The following CTNND2 variants were observed in gnomAD, a reference collection of about 807,000 sequenced individuals.
CTNND2 encodes the protein catenin delta-2.
In CTNND2, 22 loss-of-function variants were observed where a neutral mutation model predicts 144.4. The ratio of observed to expected loss-of-function variants is 0.15; its 90% CI spans 0.11 to 0.22. CTNND2 has a LOEUF of 0.22. Among genes scored for constraint, CTNND2 ranks in the 10% least tolerant of loss-of-function variants. The probability of loss-of-function intolerance (pLI) is 1.00; values close to 1 mark genes in which losing one functional copy is unlikely to be tolerated. For missense variants in CTNND2, 1,353 were observed against 1,618.8 expected (o/e 0.84, Z 2.82); for synonymous variants, 751 against 695.6 (o/e 1.08, Z -1.25).
At chr5:11,504,612 G>A (rs1770842421) in intron 3 of CTNND2, among the ~76,000 whole-genome samples, 1 of 152,156 alleles carries the variant, frequency 6.6e-6, no homozygotes, top group Admixed American at 6.5e-5. Context: ...GCCAGCGATT[G>A]GGCATGGAAA....
chr5:11,291,721 C>T (rs1425392891), intron 9 of CTNND2, among the ~76,000 whole-genome samples: 5 of 152,152 alleles, frequency 3.3e-5, no homozygotes, highest in Non-Finnish European at 7.4e-5. Context: ...TATGACTTAG[C>T]TCCCCAAATC....
intron 3 of CTNND2, among the ~76,000 whole-genome samples, chr5:11,438,397 G>C (rs1473423423): frequency 6.6e-6 from 1 of 152,190 alleles, no homozygotes; most frequent in Non-Finnish European, 1.5e-5. Flanking sequence ...GGGTGAAAAG[G>C]ATGGGCTGTC....
At chr5:11,777,693 T>C (rs1458106122) in intron 1 of CTNND2, among the ~76,000 whole-genome samples, 1 of 152,186 alleles carries the variant, frequency 6.6e-6, no homozygotes, top group Non-Finnish European at 1.5e-5. Flanking sequence ...AACAAGCATC[T>C]CCCTACAGCA....
At chr5:11,090,682 A>T (rs183176077) in intron 15 of CTNND2, among the ~76,000 whole-genome samples, 61 of 152,318 alleles carry the variant, frequency 4.0e-4, no homozygotes, top group African/African-American at 1.4e-3. Flanking sequence ...GTCTTCCACG[A>T]AACTGGTTCC....
At chr5:11,900,686 C>A (rs888119198) in intron 1 of CTNND2, among the ~76,000 whole-genome samples, 5 of 152,196 alleles carry the variant, frequency 3.3e-5, no homozygotes, top group Non-Finnish European at 7.3e-5. Context: ...CAGGAGAACA[C>A]CTTCAGAAGA....
At chr5:11,677,333 T>C (rs141355300) in intron 2 of CTNND2, among the ~76,000 whole-genome samples, 1 of 152,324 alleles carries the variant, frequency 6.6e-6, no homozygotes, top group Non-Finnish European at 1.5e-5. Context: ...CTCCTGTGCT[T>C]TTCTGGTCTA....
At chr5:11,886,692 G>A (rs1196041579) in intron 1 of CTNND2, among the ~76,000 whole-genome samples, 1 of 152,108 alleles carries the variant, frequency 6.6e-6, no homozygotes, top group African/African-American at 2.4e-5. Flanking sequence ...AATTACACGG[G>A]TTGTGTAAAA....
intron 9 of CTNND2, among the ~76,000 whole-genome samples, chr5:11,303,143 A>C (rs1175431435): frequency 6.6e-6 from 1 of 152,204 alleles, no homozygotes; most frequent in African/African-American, 2.4e-5. Context: ...TCTTCCACTC[A>C]ACACTTAGTC....
At chr5:11,175,499 A>T (rs751533103) in intron 11 of CTNND2, among the ~76,000 whole-genome samples, 22 of 152,170 alleles carry the variant, frequency 1.4e-4, no homozygotes, top group Non-Finnish European at 2.8e-4. Context: ...TGCATTCAAC[A>T]CATGTTACGG....
At chr5:11,115,969 C>A (rs1428712933) in intron 13 of CTNND2, among the ~76,000 whole-genome samples, 1 of 152,162 alleles carries the variant, frequency 6.6e-6, no homozygotes, top group East Asian at 1.9e-4. Context: ...CTTTATCTAA[C>A]TTTGTAACTA....
chr5:11,303,066 A>T (rs27522), intron 9 of CTNND2, among the ~76,000 whole-genome samples: 133,162 of 152,192 alleles, frequency 0.87, 58,610 homozygotes, highest in Middle Eastern at 0.98. Context: ...TAATGTTCCA[A>T]GTATGTCTTT....
rs533957726 is a variant in CTNND2, at chr5:11,571,043, G to A, written c.175-5987C>T. Reference sequence around the variant, plus strand: ...GCTATTATTATGCTTTTAATTTCTCGGAGCTAGTTTTTATTCTCTGAATAT... The same window carrying A: ...GCTATTATTATGCTTTTAATTTCTCAGAGCTAGTTTTTATTCTCTGAATAT... On this transcript the variant is annotated intron_variant, in intron 2 of 21. Coordinates refer to ENST00000304623, the MANE Select transcript of CTNND2 (RefSeq NM_001332.4). Among the ~76,000 whole-genome samples the A allele has an allele frequency of 1.4e-4, 21 of 151,670 alleles. No homozygotes were observed. In the East Asian group the frequency reaches 1.7e-3, roughly 13 times the overall value.
intron 1 of CTNND2, among the ~76,000 whole-genome samples, chr5:11,867,512 C>A (rs1032900094): frequency 2.0e-5 from 3 of 152,136 alleles, no homozygotes; most frequent in African/African-American, 7.2e-5. Context: ...GTCACATTGG[C>A]AGAAAATCCT....
chr5:11,852,436 T>C (rs1795059028), intron 1 of CTNND2, among the ~76,000 whole-genome samples: 1 of 152,080 alleles, frequency 6.6e-6, no homozygotes, highest in South Asian at 2.1e-4. Flanking sequence ...ATGGCAAGAA[T>C]CAAGAGAGAA....
At chr5:11,876,383 A>G (rs1735573305) in intron 1 of CTNND2, among the ~76,000 whole-genome samples, 1 of 152,178 alleles carries the variant, frequency 6.6e-6, no homozygotes, top group African/African-American at 2.4e-5. Context: ...GATTTTATAT[A>G]TAATCTTTCA....
intron 16 of CTNND2, among the ~76,000 whole-genome samples, chr5:11,047,690 A>G (rs77294175): frequency 0.013 from 2,050 of 152,278 alleles, 41 homozygotes; most frequent in African/African-American, 0.047. Flanking sequence ...TCCTAGCAGA[A>G]GTAGGCTGGG....
intron 11 of CTNND2, among the ~76,000 whole-genome samples, chr5:11,167,717 A>T (rs1326809655): frequency 1.3e-5 from 2 of 149,012 alleles, no homozygotes; most frequent in African/African-American, 5.0e-5. Flanking sequence ...TTTTTTTCAG[A>T]CAGAGTCTCA....
intron 1 of CTNND2, among the ~76,000 whole-genome samples, chr5:11,883,246 T>C (rs989174938): frequency 1.3e-5 from 2 of 152,176 alleles, no homozygotes; most frequent in African/African-American, 4.8e-5. Context: ...GTTAGTTACA[T>C]AGGTATACAC....
rs144183671 is a variant in CTNND2 at position 11,049,492 on chromosome 5, T to C, written c.2789-26513A>G. 2.9e-3 allele frequency among the ~76,000 whole-genome samples: 447 copies of C among 152,310 alleles called. 2 individuals are homozygous for C. The highest frequency in any genetic ancestry group is 9.5e-3 in the South Asian group (46 of 4,820). ...AACCTAATGAATGAAAATGTAAGGC[T>C]TGCCAAATGTGTTATGATAACTCTC... On this transcript the variant is annotated intron_variant, in intron 16 of 21. Coordinates refer to ENST00000304623, the MANE Select transcript of CTNND2 (RefSeq NM_001332.4).
Sources: gnomAD v4.1 joint callset for allele counts (sites outside exome capture counted in the v4.1 genomes callset) on GRCh38, gnomAD v4.1.1 for gene constraint, MANE v1.5 for transcripts, NCBI Gene and HGNC (gene_info 2026-07-23, HGNC 2026-07-21) for gene names.